Variants in SFMBT2 observed in about 807,000 individuals in gnomAD.
SFMBT2 encodes the protein Scm like with four mbt domains 2.
In SFMBT2, 38 loss-of-function variants were observed where a neutral mutation model predicts 110.1. That is an observed-to-expected ratio of 0.35 (90% CI 0.27 to 0.45). The LOEUF is 0.45. SFMBT2 is among the 20% of genes least tolerant of loss of function. SFMBT2 has a pLI of 1.00. For synonymous variants in SFMBT2, 425 were observed against 425.4 expected (o/e 1.00, Z 0.01); for missense variants, 1,011 against 1,094.9 (o/e 0.92, Z 1.08).
chr10:7,159,404 G>A lies in SFMBT2; in HGVS notation c.*4366C>T, dbSNP rs563356150. 5.3e-5 allele frequency: 8 copies of A among 152,180 alleles called. No homozygotes were observed. The highest frequency in any genetic ancestry group is 1.0e-4 in the Non-Finnish European group (7 of 68,032). 9.4% of individuals were successfully genotyped at this position (152,180 alleles called of 1,614,324 possible). A position where few individuals can be genotyped will look rare whatever the true frequency, so the allele number is the denominator to read the frequency against. ...CAAACCATTCTAGTGATAGAGCTAT[G>A]AGAACTGGTCAACTTAAGAGTTCAA... is the stretch of plus-strand genomic sequence containing the variant. On this transcript the variant is annotated 3_prime_UTR_variant, in exon 21 of 21. Coordinates refer to ENST00000397167, the MANE Select transcript of SFMBT2 (RefSeq NM_001387889.1).
At chr10:7,298,711 G>A (rs186048166) in intron 4 of SFMBT2, among the ~76,000 whole-genome samples, 4 of 152,004 alleles carry the variant, frequency 2.6e-5, no homozygotes, top group Admixed American at 6.5e-5. Context: ...GTGTGCATAT[G>A]TGCGTATGTA....
At chr10:7,295,256 G>A (rs896566336) in intron 4 of SFMBT2, 3 of 152,140 alleles carry the variant, frequency 2.0e-5, no homozygotes, top group Non-Finnish European at 4.4e-5. Context: ...GAAATACGAC[G>A]AACGCTCCAA....
intron 7 of SFMBT2, among the ~76,000 whole-genome samples, chr10:7,265,739 A>C (rs972527867): frequency 2.6e-5 from 4 of 152,128 alleles, no homozygotes; most frequent in Non-Finnish European, 5.9e-5. Flanking sequence ...GCTTAATTTA[A>C]GTTATAGTGA....
At chr10:7,360,246 T>C (rs1001609546) in intron 4 of SFMBT2, among the ~76,000 whole-genome samples, 1 of 152,032 alleles carries the variant, frequency 6.6e-6, no homozygotes, top group South Asian at 2.1e-4. Flanking sequence ...GGTGGAAAGA[T>C]CATTTGAGCT....
chr10:7,177,237 G>C (rs1196165149), intron 16 of SFMBT2, among the ~76,000 whole-genome samples: 1 of 152,164 alleles, frequency 6.6e-6, no homozygotes, highest in Non-Finnish European at 1.5e-5. Context: ...ATGCACGCTG[G>C]AATCAACAGT....
intron 1 of SFMBT2, among the ~76,000 whole-genome samples, chr10:7,392,420 C>A (rs1024641316): frequency 3.3e-5 from 5 of 152,056 alleles, no homozygotes; most frequent in African/African-American, 1.2e-4. Context: ...GAGGCTGAGG[C>A]AGGAGAATCG....
intron 11 of SFMBT2, among the ~76,000 whole-genome samples, chr10:7,213,711 G>A (rs1314002905): frequency 2.8e-5 from 4 of 142,242 alleles, no homozygotes; most frequent in East Asian, 2.0e-4. Flanking sequence ...ACTCAGATCC[G>A]TGTGCGAGGC....
At chr10:7,273,073 G>A (rs142018106) in intron 7 of SFMBT2, among the ~76,000 whole-genome samples, 1 of 152,308 alleles carries the variant, frequency 6.6e-6, no homozygotes, top group Non-Finnish European at 1.5e-5. Flanking sequence ...GCGCTTACAG[G>A]CGTGAGCCAC....
intron 1 of SFMBT2, among the ~76,000 whole-genome samples, chr10:7,407,813 G>A (rs1415725806): frequency 6.6e-6 from 1 of 152,196 alleles, no homozygotes; most frequent in Non-Finnish European, 1.5e-5. Context: ...CACGAGCACC[G>A]GTGTCCGTGG....
At chr10:7,358,501 A>G (rs954490936) in intron 4 of SFMBT2, among the ~76,000 whole-genome samples, 1 of 151,696 alleles carries the variant, frequency 6.6e-6, no homozygotes, top group Non-Finnish European at 1.5e-5. Context: ...GCCCTAGAAC[A>G]CCTGCATGGC....
intron 4 of SFMBT2, among the ~76,000 whole-genome samples, chr10:7,310,285 C>T (rs1339117955): frequency 1.3e-5 from 2 of 152,200 alleles, no homozygotes. Context: ...AATGCCCAAA[C>T]CAGAACAAGG....
At chr10:7,399,554 A>C (rs1210842880) in intron 1 of SFMBT2, among the ~76,000 whole-genome samples, 2 of 152,212 alleles carry the variant, frequency 1.3e-5, no homozygotes, top group Non-Finnish European at 2.9e-5. Flanking sequence ...TTTATAAATT[A>C]TATCATTTAA....
chr10:7,188,497 T>C (rs1361390153), intron 16 of SFMBT2, 127 bp downstream of exon 16: 4 of 681,558 alleles, frequency 5.9e-6, no homozygotes, highest in African/African-American at 1.8e-5. Context: ...CCCATAGAAC[T>C]GCAGAACGAA....
rs1837536536 is a variant in SFMBT2 at position 7,160,996 on chromosome 10, G to A, written c.*2774C>T. On this transcript the variant is annotated 3_prime_UTR_variant, in exon 21 of 21. Transcript: ENST00000397167. ...ACGCCAGGCTGCGCCCTCCTGTGCA[G>A]TGGTCCCAGCCATCTCCTCCCTGGC... The A allele has an allele frequency of 6.6e-6, 1 of 152,280 alleles. No homozygotes were observed. Among genetic ancestry groups the A allele is most frequent in the Non-Finnish European group, 1.5e-5 (1 of 68,092 alleles). The allele number at this position is 152,280 out of a possible 1,614,324, so 9.4% of individuals were successfully genotyped here. A position where few individuals can be genotyped will look rare whatever the true frequency, so the allele number is the denominator to read the frequency against.
chr10:7,241,317 C>T (rs1349116873), intron 9 of SFMBT2: 1 of 982,006 alleles, frequency 1.0e-6, no homozygotes, highest in African/African-American at 1.7e-5. Context: ...ATGATATTTA[C>T]CACTTCTTGA....
At chr10:7,400,526 A>G (rs539943951) in intron 1 of SFMBT2, among the ~76,000 whole-genome samples, 1 of 152,324 alleles carries the variant, frequency 6.6e-6, no homozygotes, top group South Asian at 2.1e-4. Context: ...GTCGGCTTCT[A>G]TGAAGTTGAT....
intron 11 of SFMBT2, among the ~76,000 whole-genome samples, chr10:7,212,423 C>T (rs928452712): frequency 1.3e-5 from 2 of 152,180 alleles, no homozygotes; most frequent in African/African-American, 2.4e-5. Flanking sequence ...GTCAGGTGCA[C>T]GGAGAGGAAC....
intron 17 of SFMBT2, among the ~76,000 whole-genome samples, chr10:7,174,446 C>T (rs1013369417): frequency 8.0e-4 from 122 of 152,352 alleles, no homozygotes; most frequent in African/African-American, 2.8e-3. Flanking sequence ...CCCTGCTTTT[C>T]CAGTGTTTGA....
intron 4 of SFMBT2, among the ~76,000 whole-genome samples, chr10:7,359,512 A>G (rs905750680): frequency 6.6e-6 from 1 of 152,244 alleles, no homozygotes; most frequent in African/African-American, 2.4e-5. Context: ...CTTGACTTAA[A>G]TTACATATGT....
Sources: gnomAD v4.1 joint callset for allele counts (sites outside exome capture counted in the v4.1 genomes callset) on GRCh38, gnomAD v4.1.1 for gene constraint, MANE v1.5 for transcripts, NCBI Gene and HGNC (gene_info 2026-07-23, HGNC 2026-07-21) for gene names.